Variants in LYST observed in about 807,000 individuals in gnomAD.
LYST encodes lysosomal trafficking regulator, also known as lysosomal-trafficking regulator.
In LYST, 192 loss-of-function variants were observed where a neutral mutation model predicts 413.6. The observed-to-expected ratio is 0.46, with a 90% CI of 0.41 to 0.52. LYST has a LOEUF of 0.52. Ranked by LOEUF, LYST falls within the 20% of genes least tolerant of loss-of-function variation. LYST has a pLI of 0.00. For synonymous variants in LYST, 1,525 were observed against 1,567.3 expected, an observed-to-expected ratio of 0.97 and a Z score of 0.64; for missense variants, 3,815 against 4,499.9, an observed-to-expected ratio of 0.85 and a Z score of 4.35.
rs1440923515 is a variant in LYST at position 235,661,654 on chromosome 1, C to T, written c.*1286G>A. 6.6e-6 allele frequency: 1 copy of T among 152,642 alleles called. No homozygotes were observed. Among genetic ancestry groups the T allele is most frequent in the Non-Finnish European group, 1.5e-5 (1 of 68,040 alleles). The allele number at this position is 152,642 out of a possible 1,614,324, so 9.5% of individuals were successfully genotyped here. ...AAGTCTGGAAGTTACAAAAGTAGTACTGTAAACACCATATGAATTAAATTT... is the reference window on the plus strand; with the variant it reads ...AAGTCTGGAAGTTACAAAAGTAGTATTGTAAACACCATATGAATTAAATTT... On this transcript the variant is annotated 3_prime_UTR_variant, in exon 53 of 53. Coordinates refer to ENST00000389793, the MANE Select transcript of LYST (RefSeq NM_000081.4).
intron 48 of LYST, among the ~76,000 whole-genome samples, chr1:235,683,982 A>G (rs1660024268): frequency 6.6e-6 from 1 of 152,258 alleles, no homozygotes; most frequent in African/African-American, 2.4e-5. Flanking sequence ...AATAGTAACT[A>G]TTAATCTCAT....
At position 235,782,053 on chromosome 1, in the gene LYST, T is replaced by C. The variant is rs1306897313; in HGVS notation, c.4897A>G (p.Arg1633Gly). The C allele has an allele frequency of 2.5e-6, 4 of 1,613,128 alleles. No homozygotes were observed. Among genetic ancestry groups the C allele is most frequent in the Admixed American group, 1.7e-5 (1 of 60,024 alleles). The change falls in exon 15 of 53, where the codon AGA becomes GGA. Residue 1633 changes from arginine to glycine, a missense_variant. Arg to Gly is a moderately radical substitution (Grantham distance 125, BLOSUM62 -2). Transcript: ENST00000389793. ...CTATCAGATGACAAACTTGTTTTTC[T>C]TGGAAGCATAAAATCCAAAGTAACA... is the stretch of plus-strand genomic sequence containing the variant. ...PDVTLDFMLP[R>G]KTSLSSDSNK...
intron 28 of LYST, among the ~76,000 whole-genome samples, chr1:235,749,882 T>C (rs1666311031): frequency 6.6e-6 from 1 of 152,134 alleles, no homozygotes; most frequent in Non-Finnish European, 1.5e-5. Flanking sequence ...GAGAAATCAT[T>C]GACCAAATGG....
intron 42 of LYST, chr1:235,712,972 A>C (rs1662525377): frequency 1.0e-6 from 1 of 985,396 alleles, no homozygotes; most frequent in African/African-American, 1.7e-5. Flanking sequence ...GTTTCTTAGG[A>C]ACCATATTGC....
chr1:235,765,378 T>G (rs1489014717), intron 21 of LYST, among the ~76,000 whole-genome samples: 1 of 152,216 alleles, frequency 6.6e-6, no homozygotes, highest in Non-Finnish European at 1.5e-5. Context: ...CCCTAGTTCC[T>G]TATTCCTGAA....
chr1:235,753,164 G>A lies in LYST; in HGVS notation c.7340C>T (p.Ala2447Val), dbSNP rs766272501. 53 of 1,605,646 alleles carry A rather than the reference G, an allele frequency of 3.3e-5. No individual in the cohort carries two copies. Among genetic ancestry groups the A allele is most frequent in the Non-Finnish European group, 4.3e-5 (51 of 1,172,700 alleles). ...SLYDNILLHN[A>V]LLLLLQILNS... Reference sequence around the variant, plus strand: ...TAAAATTTGGAGAAGAAGTAAAAGAGCATTATGCAAGAGTATGTTGTCATA... The same window carrying A: ...TAAAATTTGGAGAAGAAGTAAAAGAACATTATGCAAGAGTATGTTGTCATA... The change falls in exon 26 of 53, where the codon GCT becomes GTT. Residue 2447 changes from alanine (A) to valine (V), a missense_variant. By Grantham distance (64) the Ala-to-Val change is moderately conservative. This residue lies in a region of LYST where 771 missense variants were observed against 837.1 expected (regional missense o/e 0.92). Coordinates refer to ENST00000389793, the MANE Select transcript of LYST (RefSeq NM_000081.4).
At position 235,762,856 on chromosome 1, in the gene LYST, A is replaced by G; in HGVS notation, c.6122-5T>C. On this transcript the variant is annotated splice_polypyrimidine_tract_variant and splice_region_variant and intron_variant, in intron 21 of 52. Coordinates refer to ENST00000389793, the MANE Select transcript of LYST (RefSeq NM_000081.4). ...TCTCCTGAAAGATCTTGCCATCTAGAATCCAAATTTTTTTTGAAACAGCAA... is the reference window on the plus strand; with the variant it reads ...TCTCCTGAAAGATCTTGCCATCTAGGATCCAAATTTTTTTTGAAACAGCAA... 1 of 1,612,812 alleles carries G rather than the reference A, an allele frequency of 6.2e-7. No individual in the cohort carries two copies. Among genetic ancestry groups the G allele is most frequent in the Non-Finnish European group, 8.5e-7 (1 of 1,179,384 alleles).
intron 10 of LYST, among the ~76,000 whole-genome samples, chr1:235,798,931 A>C (rs1011239193): frequency 6.6e-6 from 1 of 152,178 alleles, no homozygotes; most frequent in Non-Finnish European, 1.5e-5. Context: ...ATGGTTGCAC[A>C]GCTCTGTAAA....
At chr1:235,768,106 C>T (rs1285374927) in intron 20 of LYST, among the ~76,000 whole-genome samples, 1 of 152,118 alleles carries the variant, frequency 6.6e-6, no homozygotes, top group Non-Finnish European at 1.5e-5. Flanking sequence ...GCTTCTCTAT[C>T]CTGATGGCTT....
In LYST at chr1:235,666,607, T is replaced by TACACACACACACAC. The variant is rs10635511; in HGVS notation, c.11039-2000_11039-1987dup. 3.2e-3 allele frequency among the ~76,000 whole-genome samples: 451 copies of TACACACACACACAC among 141,446 alleles called. 3 individuals are homozygous for TACACACACACACAC. Among genetic ancestry groups the TACACACACACACAC allele is most frequent in the Non-Finnish European group, 4.7e-3 (306 of 64,520 alleles). 92.8% of individuals were successfully genotyped at this position (141,446 alleles called of 152,430 possible). On this transcript the variant is annotated intron_variant, in intron 50 of 52. Coordinates refer to ENST00000389793, the MANE Select transcript of LYST (RefSeq NM_000081.4). ...ACACACATGCACACACACACACACA[T>TACACACACACACAC]ACACACACACACACACACACACACA...
intron 50 of LYST, among the ~76,000 whole-genome samples, chr1:235,667,435 A>G (rs1304405887): frequency 6.6e-6 from 1 of 152,226 alleles, no homozygotes; most frequent in Non-Finnish European, 1.5e-5. Flanking sequence ...CACTATAAAA[A>G]CCATATCCCA....
intron 1 of LYST, among the ~76,000 whole-genome samples, chr1:235,864,640 G>T (rs1009804814): frequency 6.6e-6 from 1 of 152,164 alleles, no homozygotes; most frequent in Non-Finnish European, 1.5e-5. Flanking sequence ...TTTTTAAAAG[G>T]CAAGCCTGGG....
chr1:235,703,266 T>C (rs929036918), intron 44 of LYST, among the ~76,000 whole-genome samples: 19 of 152,300 alleles, frequency 1.2e-4, no homozygotes, highest in Middle Eastern at 3.4e-3. Context: ...TACTAAATTA[T>C]TGAAGAAGTT....
At chr1:235,767,039 A>T (rs1371180661) in intron 20 of LYST, among the ~76,000 whole-genome samples, 5 of 152,116 alleles carry the variant, frequency 3.3e-5, no homozygotes. Context: ...TTATAACTCA[A>T]ACTCAGGCCT....
chr1:235,709,446 T>C, intron 43 of LYST, 138 bp from the exon 44 acceptor site: 1 of 690,004 alleles, frequency 1.4e-6, no homozygotes, highest in South Asian at 1.7e-5. Context: ...AGGATTTACA[T>C]TTTGAATAAG....
chr1:235,713,757 A>G (rs1662601708), intron 42 of LYST, among the ~76,000 whole-genome samples: 1 of 152,254 alleles, frequency 6.6e-6, no homozygotes, highest in African/African-American at 2.4e-5. Context: ...GAATCCCTGC[A>G]TTAAACCAAA....
intron 31 of LYST, chr1:235,738,192 C>T: frequency 6.2e-7 from 1 of 1,610,230 alleles, no homozygotes; most frequent in East Asian, 2.2e-5. Context: ...GATGATGGAT[C>T]TCCACCATGG....
rs551991791 is a variant in LYST at position 235,775,794 on chromosome 1, C to T, written c.5461-708G>A. ...CCTAAACTGGAAGTTCACAGTACAT[C>T]TAGGAAGCTGCAGGTTGCCTCTTTG... On this transcript the variant is annotated intron_variant, in intron 17 of 52. Coordinates refer to ENST00000389793, the MANE Select transcript of LYST (RefSeq NM_000081.4). Among the ~76,000 whole-genome samples, 7 of 152,124 alleles carry T rather than the reference C, an allele frequency of 4.6e-5. No individual in the cohort carries two copies. The South Asian group carries it at 1.5e-3, about 32-fold the overall frequency.
chr1:235,876,834 T>C (rs1045120198), intron 1 of LYST, among the ~76,000 whole-genome samples: 1 of 152,232 alleles, frequency 6.6e-6, no homozygotes, highest in African/African-American at 2.4e-5. Flanking sequence ...AAGCCTAAGC[T>C]ATGTTTATGA....
Sources: gnomAD v4.1 joint callset for allele counts (sites outside exome capture counted in the v4.1 genomes callset) on GRCh38, gnomAD v4.1.1 for gene constraint, gnomAD v4.1.1 regional missense constraint, MANE v1.5 for transcripts, NCBI Gene and HGNC (gene_info 2026-07-23, HGNC 2026-07-21) for gene names.